The following MTUS1 variants were observed in gnomAD, a reference collection of about 807,000 sequenced individuals.
The protein encoded by MTUS1 is microtubule associated scaffold protein 1, also known as microtubule-associated tumor suppressor 1.
Under a neutral mutation model 120.8 loss-of-function variants are expected in MTUS1, and 109 were observed. That is an observed-to-expected ratio of 0.90 (90% confidence interval 0.77 to 1.06). The LOEUF (loss-of-function observed/expected upper bound fraction) is 1.06, where lower values mean the gene tolerates loss of function less well. Ranked by LOEUF, MTUS1 falls within the 50% of genes least tolerant of loss-of-function variation. The probability of loss-of-function intolerance (pLI) is 0.00; values close to 1 mark genes in which losing one functional copy is unlikely to be tolerated. For synonymous variants in MTUS1, 737 were observed against 550.5 expected (o/e 1.34, Z -4.74); for missense variants, 2,210 against 1,486.3 (o/e 1.49, Z -8.01).
At chr8:17,790,134 A>T (rs1214089769) in intron 1 of MTUS1, among the ~76,000 whole-genome samples, 2 of 152,116 alleles carry the variant, frequency 1.3e-5, no homozygotes, top group Non-Finnish European at 2.9e-5. Flanking sequence ...GGATCACAAG[A>T]TCAGGAAATC....
intron 5 of MTUS1, 30 bp downstream of exon 5, chr8:17,715,737 T>TCC (rs934545208): frequency 2.3e-5 from 36 of 1,581,962 alleles, no homozygotes; most frequent in Non-Finnish European, 3.1e-5. Context: ...CGTCTTGCCC[T>TCC]CCCTCTTCAA....
intron 8 of MTUS1, among the ~76,000 whole-genome samples, chr8:17,662,634 G>A (rs1196226273): frequency 6.6e-6 from 1 of 151,996 alleles, no homozygotes; most frequent in Non-Finnish European, 1.5e-5. Flanking sequence ...AATTACAGGT[G>A]TGAGCCACTG....
chr8:17,798,398 T>C (rs1441094798), intron 1 of MTUS1, among the ~76,000 whole-genome samples: 2 of 152,096 alleles, frequency 1.3e-5, no homozygotes, highest in Admixed American at 1.3e-4. Flanking sequence ...ACTGGAGTGA[T>C]CTCGGCTCAC....
chr8:17,680,946 T>C (rs1301426952), intron 7 of MTUS1, among the ~76,000 whole-genome samples: 1 of 152,070 alleles, frequency 6.6e-6, no homozygotes, highest in East Asian at 1.9e-4. Flanking sequence ...TTTTTCTTTT[T>C]TTTTTAAGTT....
intron 8 of MTUS1, among the ~76,000 whole-genome samples, chr8:17,658,739 C>T (rs1009187536): frequency 3.9e-5 from 6 of 152,080 alleles, no homozygotes; most frequent in Admixed American, 6.6e-5. Context: ...GCCTAAGGAA[C>T]GTGAAAATGG....
intron 8 of MTUS1, among the ~76,000 whole-genome samples, chr8:17,672,933 T>G (rs1812316225): frequency 6.6e-6 from 1 of 152,174 alleles, no homozygotes; most frequent in Non-Finnish European, 1.5e-5. Context: ...CACTAAAATG[T>G]AAAAAGAGCA....
Position 17,665,572 on chromosome 8 carries a change from G to C in MTUS1, c.2906-9507C>G, listed in dbSNP as rs933537730. ...TATGGGGTTTCACCATGTTGGCAAG[G>C]CTGGTCTCAAACTCCGGGCATCAAG... On this transcript the variant is annotated intron_variant, in intron 8 of 14. Coordinates refer to ENST00000693296, the MANE Select transcript of MTUS1 (RefSeq NM_001363059.2). 3.3e-5 allele frequency among the ~76,000 whole-genome samples: 5 copies of C among 152,226 alleles called. No homozygotes were observed. In the South Asian group the frequency reaches 8.3e-4, roughly 25 times the overall value.
chr8:17,752,466 C>T (rs3913531), intron 2 of MTUS1, among the ~76,000 whole-genome samples: 108,861 of 152,152 alleles, frequency 0.72, 41,061 homozygotes, highest in Middle Eastern at 0.89. Context: ...TTTGAAACAA[C>T]GGATGAACTC....
chr8:17,798,312 A>G (rs1230316553), intron 1 of MTUS1, among the ~76,000 whole-genome samples: 2 of 152,130 alleles, frequency 1.3e-5, no homozygotes. Context: ...ATGAATTTGA[A>G]AAGATTCTAA....
At chr8:17,768,266 A>G (rs2049720331) in intron 1 of MTUS1, among the ~76,000 whole-genome samples, 1 of 152,176 alleles carries the variant, frequency 6.6e-6, no homozygotes, top group Admixed American at 6.5e-5. Flanking sequence ...AAATAAACTA[A>G]TATGTGAGCT....
chr8:17,711,227 C>G (rs2130999442), intron 6 of MTUS1, among the ~76,000 whole-genome samples: 1 of 152,306 alleles, frequency 6.6e-6, no homozygotes, highest in South Asian at 2.1e-4. Flanking sequence ...CTGACTTCTC[C>G]TGTTTACCTG....
At position 17,754,953 on chromosome 8, in the gene MTUS1, T is replaced by C; in HGVS notation, c.855A>G (p.Gly285=). 6.2e-7 allele frequency: 1 copy of C among 1,614,098 alleles called. No individual in the cohort carries two copies. The change falls in exon 2 of 15, where the codon GGA becomes GGG. Residue 285 remains glycine, a synonymous_variant. Coordinates refer to ENST00000693296, the MANE Select transcript of MTUS1 (RefSeq NM_001363059.2). ...YTDGSQQRLV[G]EKETQALTPV... is the part of the protein sequence containing the mutation. Reference sequence around the variant, plus strand: ...GTGTTAGTGCTTGTGTCTCCTTTTCTCCAACTAGTCTTTGTTGTGATCCAT... The same window carrying C: ...GTGTTAGTGCTTGTGTCTCCTTTTCCCCAACTAGTCTTTGTTGTGATCCAT...
chr8:17,702,784 G>T (rs998350781), intron 6 of MTUS1, among the ~76,000 whole-genome samples: 5 of 152,168 alleles, frequency 3.3e-5, no homozygotes, highest in African/African-American at 9.7e-5. Context: ...CATTTAGGTT[G>T]TTCCCACATC....
At chr8:17,770,106 A>G (rs2049915266) in intron 1 of MTUS1, among the ~76,000 whole-genome samples, 1 of 152,224 alleles carries the variant, frequency 6.6e-6, no homozygotes, top group African/African-American at 2.4e-5. Context: ...AATAATATAC[A>G]ACATTTTTAC....
Position 17,713,248 on chromosome 8 carries a change from A to C in MTUS1, c.2589T>G (p.Pro863=). 6.4e-7 allele frequency: 1 copy of C among 1,566,960 alleles called. No individual in the cohort carries two copies. Among genetic ancestry groups the C allele is most frequent in the Non-Finnish European group, 8.8e-7 (1 of 1,139,322 alleles). Residue 863 remains proline, a synonymous_variant, in exon 6 of 15, where the codon CCT becomes CCG. Coordinates refer to ENST00000693296, the MANE Select transcript of MTUS1 (RefSeq NM_001363059.2). ...VHLMKTPPKG[P]SRKNLFTALN... ...GAGCTGTAAATAAATTTTTTCTCGA[A>C]GGACCTAAGATATAAAAGAAACATG...
In MTUS1 at chr8:17,654,599, A is replaced by G. The variant is rs748217484; in HGVS notation, c.3176T>C (p.Leu1059Pro). 6.2e-6 allele frequency: 10 copies of G among 1,613,970 alleles called. No homozygotes were observed. Among genetic ancestry groups the G allele is most frequent in the Middle Eastern group, 1.6e-4 (1 of 6,082 alleles). ...LEIEASHSEK[L>P]ELLKKAYEAS... ...TTCATAGGCCTTCTTTAGCAATTCA[A>G]GTTTCTCTGAGTGGCTAGCTTCAAT... Residue 1059 changes from leucine to proline, a missense_variant, in exon 10 of 15, where the codon CTT becomes CCT. Coordinates refer to ENST00000693296, the MANE Select transcript of MTUS1 (RefSeq NM_001363059.2).
chr8:17,762,410 C>G (rs1035816853), intron 1 of MTUS1, among the ~76,000 whole-genome samples: 1 of 152,218 alleles, frequency 6.6e-6, no homozygotes, highest in Non-Finnish European at 1.5e-5. Flanking sequence ...CAGTTCTACT[C>G]TAAGCCTCAA....
intron 3 of MTUS1, among the ~76,000 whole-genome samples, chr8:17,728,383 G>A (rs1170311343): frequency 6.6e-6 from 1 of 152,186 alleles, no homozygotes; most frequent in Non-Finnish European, 1.5e-5. Context: ...GGGATTACAG[G>A]TGTGAGCCAC....
rs1431548075 is a variant in MTUS1 at position 17,653,494 on chromosome 8, A to C, written c.3219T>G (p.Ile1073Met). The C allele has an allele frequency of 6.2e-7, 1 of 1,606,020 alleles. No individual in the cohort carries two copies. The highest frequency in any genetic ancestry group is 8.5e-7 in the Non-Finnish European group (1 of 1,175,432). Residue 1073 changes from isoleucine (I) to methionine (M), a missense_variant, in exon 11 of 15, where the codon ATT (isoleucine) becomes ATG (methionine). Physicochemically the swap from Ile to Met is conservative, Grantham distance 10 (BLOSUM62 1). Transcript: ENST00000693296. ...KKAYEASLSE[I>M]KKGHEIEKKS... ...TCTTTTCTATTTCATGGCCTTTCTT[A>C]ATTTCTGGGAAAATAAACGGATATT...
Sources: gnomAD v4.1 joint callset for allele counts (sites outside exome capture counted in the v4.1 genomes callset) on GRCh38, gnomAD v4.1.1 for gene constraint, MANE v1.5 for transcripts, NCBI Gene and HGNC (gene_info 2026-07-23, HGNC 2026-07-21) for gene names.